Variants in PPFIA2 observed in about 807,000 individuals in gnomAD.
PPFIA2 encodes liprin-alpha-2.
A neutral mutation model predicts 175.5 loss-of-function variants in PPFIA2; 46 were observed. That is an observed-to-expected ratio of 0.26 (90% CI 0.21 to 0.34). PPFIA2 has a LOEUF of 0.34. Ranked by LOEUF, PPFIA2 falls within the 10% of genes least tolerant of loss-of-function variation. PPFIA2 has a pLI of 1.00. For synonymous variants in PPFIA2, 568 were observed against 511.4 expected, an observed-to-expected ratio of 1.11 and a Z score of -1.49; for missense variants, 1,179 against 1,506.1, an observed-to-expected ratio of 0.78 and a Z score of 3.60.
chr12:81,477,005 C>A (rs559121132), intron 4 of PPFIA2, among the ~76,000 whole-genome samples: 23 of 151,924 alleles, frequency 1.5e-4, no homozygotes, highest in Non-Finnish European at 2.8e-4. Flanking sequence ...GGGAGCTGAA[C>A]AATGAGAACA....
rs1398324596 is a variant in PPFIA2 at position 81,407,109 on chromosome 12, A to T, written c.646-1206T>A. On this transcript the variant is annotated intron_variant, in intron 7 of 32. Coordinates refer to ENST00000549396, the MANE Select transcript of PPFIA2 (RefSeq NM_003625.5). The stretch of plus-strand genomic sequence containing the variant: ...GGCTCCCTCACGCTTACTCTTGTTC[A>T]TCTACAATCTATTATCCACAAAGCA... Among the ~76,000 whole-genome samples the T allele has an allele frequency of 3.3e-5, 5 of 152,200 alleles. No homozygotes were observed. In the South Asian group the frequency reaches 8.3e-4, roughly 25 times the overall value.
rs981584778 is a variant in PPFIA2 at position 81,542,074 on chromosome 12, T to C, written c.304-84208A>G. ...TTCTAATCCCTGGAACTTACGAACATTACCTTATATGGCAAAATATGTGAT... is the reference window on the plus strand; with the variant it reads ...TTCTAATCCCTGGAACTTACGAACACTACCTTATATGGCAAAATATGTGAT... On this transcript the variant is annotated intron_variant, in intron 4 of 32. Coordinates refer to ENST00000549396, the MANE Select transcript of PPFIA2 (RefSeq NM_003625.5). Among the ~76,000 whole-genome samples, 4 of 152,102 alleles carry C rather than the reference T, an allele frequency of 2.6e-5. No individual in the cohort carries two copies. In the East Asian group the frequency reaches 7.7e-4, roughly 29 times the overall value.
chr12:81,482,494 T>C (rs1474797906), intron 4 of PPFIA2, among the ~76,000 whole-genome samples: 1 of 152,146 alleles, frequency 6.6e-6, no homozygotes, highest in Non-Finnish European at 1.5e-5. Context: ...CACCCATATG[T>C]CCATCAGTGA....
At chr12:81,478,106 AG>A (rs2057717456) in intron 4 of PPFIA2, among the ~76,000 whole-genome samples, 1 of 152,070 alleles carries the variant, frequency 6.6e-6, no homozygotes, top group Non-Finnish European at 1.5e-5. Context: ...ATGTCTATTC[AG>A]GGATTCGACT....
chr12:81,332,919 G>T (rs1443793071), intron 21 of PPFIA2, among the ~76,000 whole-genome samples: 1 of 152,170 alleles, frequency 6.6e-6, no homozygotes, highest in East Asian at 1.9e-4. Context: ...AGCTCTAGAA[G>T]TCTGTAATCT....
intron 8 of PPFIA2, among the ~76,000 whole-genome samples, chr12:81,395,478 G>A (rs1329108536): frequency 7.2e-5 from 11 of 151,970 alleles, no homozygotes; most frequent in Admixed American, 3.3e-4. Context: ...CTTGTTGAGC[G>A]CTTTGAAAAT....
chr12:81,603,402 T>C (rs1481283022), intron 4 of PPFIA2, among the ~76,000 whole-genome samples: 3 of 151,764 alleles, frequency 2.0e-5, no homozygotes, highest in Admixed American at 6.6e-5. Context: ...ACACGAAGAC[T>C]GTTCTTGGTA....
At chr12:81,366,019 T>G in intron 14 of PPFIA2, among the ~76,000 whole-genome samples, 1 of 103,382 alleles carries the variant, frequency 9.7e-6, no homozygotes, top group Admixed American at 1.3e-4. Flanking sequence ...CCTTCCTTCC[T>G]TCCTTCCTTC....
intron 22 of PPFIA2, among the ~76,000 whole-genome samples, chr12:81,310,887 A>T: frequency 6.6e-6 from 1 of 152,184 alleles, no homozygotes; most frequent in East Asian, 1.9e-4. Context: ...ACTAGTTAAT[A>T]AAGTAATATT....
At chr12:81,486,317 G>A (rs1452998711) in intron 4 of PPFIA2, among the ~76,000 whole-genome samples, 1 of 151,696 alleles carries the variant, frequency 6.6e-6, no homozygotes, top group Non-Finnish European at 1.5e-5. Flanking sequence ...CCAGCTAGCT[G>A]GTAACAAAAG....
intron 3 of PPFIA2, among the ~76,000 whole-genome samples, chr12:81,724,345 T>C (rs1422347157): frequency 6.6e-6 from 1 of 150,918 alleles, no homozygotes; most frequent in Non-Finnish European, 1.5e-5. Flanking sequence ...TTTTTATAAA[T>C]TTAGGGGGTA....
chr12:81,659,496 G>A (rs1210584469), intron 4 of PPFIA2, among the ~76,000 whole-genome samples: 1 of 152,210 alleles, frequency 6.6e-6, no homozygotes, highest in African/African-American at 2.4e-5. Context: ...AAGTGGCAAT[G>A]AGGCTGGGAG....
intron 4 of PPFIA2, among the ~76,000 whole-genome samples, chr12:81,641,126 C>T (rs2064910138): frequency 6.6e-6 from 1 of 152,140 alleles, no homozygotes; most frequent in Non-Finnish European, 1.5e-5. Context: ...CAAATCTTCT[C>T]TTCCAGCTAT....
At chr12:81,544,785 T>G (rs2066740446) in intron 4 of PPFIA2, among the ~76,000 whole-genome samples, 3 of 152,146 alleles carry the variant, frequency 2.0e-5, no homozygotes, top group African/African-American at 7.2e-5. Flanking sequence ...AGATGCTTAT[T>G]TTCTATCTTT....
chr12:81,463,083 G>T (rs2054943056), intron 4 of PPFIA2, among the ~76,000 whole-genome samples: 1 of 152,002 alleles, frequency 6.6e-6, no homozygotes, highest in African/African-American at 2.4e-5. Context: ...GAACAACCTA[G>T]ACTTCCATAT....
At chr12:81,440,653 T>C (rs942178931) in intron 6 of PPFIA2, among the ~76,000 whole-genome samples, 6 of 151,936 alleles carry the variant, frequency 3.9e-5, no homozygotes, top group African/African-American at 1.2e-4. Context: ...GGTTAAACCA[T>C]TGTATTTTAT....
At chr12:81,325,959 C>A in intron 21 of PPFIA2, 89 bp from the exon 22 acceptor site, 12 of 901,334 alleles carry the variant, frequency 1.3e-5, no homozygotes, top group Middle Eastern at 2.2e-4. Context: ...AGTTGAGCAA[C>A]TGTTTAGTAT....
At chr12:81,366,355 G>C (rs1306831229) in intron 14 of PPFIA2, among the ~76,000 whole-genome samples, 2 of 151,466 alleles carry the variant, frequency 1.3e-5, no homozygotes, top group Non-Finnish European at 3.0e-5. Context: ...CAGCCAAATA[G>C]TTGTGCCTAT....
intron 3 of PPFIA2, among the ~76,000 whole-genome samples, chr12:81,685,959 G>A (rs566877532): frequency 1.3e-5 from 2 of 152,064 alleles, no homozygotes; most frequent in East Asian, 3.9e-4. Flanking sequence ...ATTTCAAGAT[G>A]ATGAAACTGG....
Sources: allele counts gnomAD v4.1 joint callset (sites outside exome capture counted in the v4.1 genomes callset), GRCh38; gene constraint gnomAD v4.1.1; transcripts MANE v1.5; gene names NCBI Gene and HGNC (gene_info 2026-07-23, HGNC 2026-07-21).